Variants in ITGBL1 observed in about 807,000 individuals in gnomAD.
The protein encoded by ITGBL1 is integrin beta-like protein 1.
A neutral mutation model predicts 68.5 loss-of-function variants in ITGBL1; 51 were observed. The observed-to-expected ratio is 0.74, with a 90% CI of 0.59 to 0.94. ITGBL1 has a LOEUF of 0.94. ITGBL1 is among the 40% of genes least tolerant of loss of function. The probability of loss-of-function intolerance (pLI) is 0.00; values close to 1 mark genes in which losing one functional copy is unlikely to be tolerated. For missense variants in ITGBL1, 649 were observed against 647.4 expected (o/e 1.00, Z -0.03); for synonymous variants, 209 against 227.3 (o/e 0.92, Z 0.72).
intron 9 of ITGBL1, chr13:101,713,522 G>T (rs2034576194): frequency 1.3e-5 from 2 of 152,148 alleles, no homozygotes; most frequent in African/African-American, 2.4e-5. Context: ...AGAAGGAAAA[G>T]AAAGTCCTTT....
At chr13:101,540,682 A>G (rs529063421) in intron 2 of ITGBL1, among the ~76,000 whole-genome samples, 8 of 152,320 alleles carry the variant, frequency 5.3e-5, no homozygotes, top group African/African-American at 1.9e-4. Context: ...CTTCCTGTCC[A>G]TGAGCATGGA....
chr13:101,482,343 T>TA (rs2048637485), intron 2 of ITGBL1, among the ~76,000 whole-genome samples: 1 of 151,842 alleles, frequency 6.6e-6, no homozygotes, highest in Admixed American at 6.6e-5. Flanking sequence ...ATAGGTTTTT[T>TA]TTTTTTACTA....
At chr13:101,486,555 C>T (rs7325932) in intron 2 of ITGBL1, among the ~76,000 whole-genome samples, 36,478 of 151,898 alleles carry the variant, frequency 0.24, 4,837 homozygotes, top group East Asian at 0.47. Context: ...ATGAAAGATA[C>T]TGGGGAAAAA....
intron 7 of ITGBL1, among the ~76,000 whole-genome samples, chr13:101,650,533 A>G (rs2032712233): frequency 6.6e-6 from 1 of 152,090 alleles, no homozygotes; most frequent in South Asian, 2.1e-4. Context: ...AAGTATCACC[A>G]GTGATTTAAA....
intron 7 of ITGBL1, among the ~76,000 whole-genome samples, chr13:101,632,405 C>T (rs78885025): frequency 0.016 from 2,393 of 152,262 alleles, 70 homozygotes; most frequent in African/African-American, 0.054. Context: ...CTGAAAAGCA[C>T]CAATATGTTG....
chr13:101,481,085 C>CACACGCGTAT (rs71121196), intron 2 of ITGBL1, among the ~76,000 whole-genome samples: 3 of 149,006 alleles, frequency 2.0e-5, no homozygotes, highest in Non-Finnish European at 4.5e-5. Flanking sequence ...TATATACACA[C>CACACGCGTAT]ATATATATAC....
At chr13:101,503,989 G>A (rs1038993333) in intron 2 of ITGBL1, among the ~76,000 whole-genome samples, 1 of 152,044 alleles carries the variant, frequency 6.6e-6, no homozygotes, top group African/African-American at 2.4e-5. Context: ...ATTTGACTTG[G>A]TAAAGCAAAG....
intron 2 of ITGBL1, among the ~76,000 whole-genome samples, chr13:101,545,909 A>G (rs1050041495): frequency 1.3e-5 from 2 of 152,228 alleles, no homozygotes; most frequent in African/African-American, 4.8e-5. Context: ...TAGTATGACA[A>G]CTACTGAAGG....
chr13:101,568,849 C>T (rs2050223200), intron 3 of ITGBL1, among the ~76,000 whole-genome samples: 1 of 152,134 alleles, frequency 6.6e-6, no homozygotes, highest in Non-Finnish European at 1.5e-5. Flanking sequence ...TGATAGGAAT[C>T]AGACCATATC....
chr13:101,547,783 C>T (rs1298374039), intron 2 of ITGBL1, among the ~76,000 whole-genome samples: 1 of 151,640 alleles, frequency 6.6e-6, no homozygotes, highest in African/African-American at 2.4e-5. Flanking sequence ...GACTATTATG[C>T]GTTGTATGCC....
In ITGBL1 at chr13:101,673,553, C is replaced by G. The variant is rs530730184; in HGVS notation, c.1016-19032C>G. Among the ~76,000 whole-genome samples the G allele has an allele frequency of 1.1e-4, 16 of 152,322 alleles. No homozygotes were observed. In the South Asian group the frequency reaches 3.3e-3, roughly 32 times the overall value. ...CTCAAGAAAATAGGCCACATAGTTA[C>G]AACAGGACTTACCTAATTCCCCATG... is the stretch of plus-strand genomic sequence containing the variant. On this transcript the variant is annotated intron_variant, in intron 7 of 10. Transcript: ENST00000376180.
chr13:101,553,670 C>A (rs2049957254), intron 2 of ITGBL1, among the ~76,000 whole-genome samples: 1 of 151,878 alleles, frequency 6.6e-6, no homozygotes, highest in African/African-American at 2.4e-5. Context: ...TTCTATACTC[C>A]CTTGGGAGCT....
intron 2 of ITGBL1, among the ~76,000 whole-genome samples, chr13:101,493,922 G>A (rs191793700): frequency 3.9e-5 from 6 of 152,262 alleles, no homozygotes; most frequent in Admixed American, 2.0e-4. Context: ...GATTTGCCAG[G>A]TTAGATTTAT....
At chr13:101,659,029 T>G in intron 7 of ITGBL1, among the ~76,000 whole-genome samples, 1 of 144,748 alleles carries the variant, frequency 6.9e-6, no homozygotes, top group Admixed American at 7.1e-5. Context: ...GGCCTTAGAG[T>G]GGTGATTGAA....
At chr13:101,464,661 CATAAT>C (rs1037378735) in intron 2 of ITGBL1, among the ~76,000 whole-genome samples, 2 of 151,914 alleles carry the variant, frequency 1.3e-5, no homozygotes, top group Non-Finnish European at 2.9e-5. Flanking sequence ...CCTGTACAAA[CATAAT>C]ATATATACAC....
At chr13:101,522,765 A>C (rs1039123042) in intron 2 of ITGBL1, among the ~76,000 whole-genome samples, 4 of 152,202 alleles carry the variant, frequency 2.6e-5, no homozygotes, top group South Asian at 2.1e-4. Flanking sequence ...TTTGATAAAA[A>C]TGATGACAAG....
chr13:101,661,128 T>TA (rs5806242), intron 7 of ITGBL1, among the ~76,000 whole-genome samples: 73,509 of 149,264 alleles, frequency 0.49, 17,871 homozygotes, highest in East Asian at 0.57. Context: ...ACAAACATAG[T>TA]AAAAAAAAAA....
chr13:101,674,196 G>C (rs900933852), intron 7 of ITGBL1, among the ~76,000 whole-genome samples: 1 of 152,148 alleles, frequency 6.6e-6, no homozygotes, highest in Admixed American at 6.5e-5. Flanking sequence ...ACACACTCGC[G>C]TGCATGCACA....
chr13:101,607,374 T>C (rs2030918084), intron 7 of ITGBL1, among the ~76,000 whole-genome samples: 1 of 152,032 alleles, frequency 6.6e-6, no homozygotes, highest in Non-Finnish European at 1.5e-5. Flanking sequence ...TGCCAATTTA[T>C]TGGACAATAT....
Sources: gnomAD v4.1 joint callset for allele counts (sites outside exome capture counted in the v4.1 genomes callset) on GRCh38, gnomAD v4.1.1 for gene constraint, MANE v1.5 for transcripts, NCBI Gene and HGNC (gene_info 2026-07-23, HGNC 2026-07-21) for gene names.